The following KIAA2012 variants were observed in gnomAD, a reference collection of about 807,000 sequenced individuals.
KIAA2012 encodes uncharacterized protein KIAA2012.
In KIAA2012, 125 loss-of-function variants were observed where a neutral mutation model predicts 150.6. The ratio of observed to expected loss-of-function variants is 0.83; its 90% confidence interval spans 0.72 to 0.96. The LOEUF is 0.96. Ranked by LOEUF, KIAA2012 falls within the 40% of genes least tolerant of loss-of-function variation. KIAA2012 has a pLI of 0.00. For synonymous variants in KIAA2012, 462 were observed against 504.7 expected (o/e 0.92, Z 1.13); for missense variants, 1,219 against 1,354.9 (o/e 0.90, Z 1.57).
chr2:202,097,664 A>C, intron 5 of KIAA2012, 87 bp downstream of exon 5: 3 of 1,432,662 alleles, frequency 2.1e-6, no homozygotes, highest in Non-Finnish European at 2.8e-6. Context: ...ATTTTGGCTC[A>C]CTGCAACCTC....
At chr2:202,187,400 G>T (rs553396112) in intron 17 of KIAA2012, among the ~76,000 whole-genome samples, 136 of 152,222 alleles carry the variant, frequency 8.9e-4, no homozygotes, top group African/African-American at 3.1e-3. Context: ...CGCCTCCCAG[G>T]TTCAAGTGAT....
chr2:202,121,292 CTT>C (rs141376217), intron 11 of KIAA2012, among the ~76,000 whole-genome samples: 3,441 of 152,304 alleles, frequency 0.023, 128 homozygotes, highest in African/African-American at 0.077. Flanking sequence ...TTTTGCGTCT[CTT>C]GTTTTACATC....
At chr2:202,150,433 GTTTTTTT>G (rs1258426630) in intron 13 of KIAA2012, among the ~76,000 whole-genome samples, 1 of 147,624 alleles carries the variant, frequency 6.8e-6, no homozygotes, top group Non-Finnish European at 1.5e-5. Flanking sequence ...TTTTTTGTTT[GTTTTTTT>G]GTTTTTTGTT....
chr2:202,110,903 A>AG (rs1424580619), intron 10 of KIAA2012, among the ~76,000 whole-genome samples: 1 of 151,994 alleles, frequency 6.6e-6, no homozygotes, highest in African/African-American at 2.4e-5. Context: ...CTTCTGTTTC[A>AG]GGCTGAGATG....
rs12611699 is a variant in KIAA2012, at chr2:202,109,376, G to A, written c.1475-237G>A. 0.31 allele frequency among the ~76,000 whole-genome samples: 47,738 copies of A among 152,002 alleles called. 8,236 individuals carry two copies. The highest frequency in any genetic ancestry group is 0.46 in the African/African-American group (18,949 of 41,420). Reference sequence around the variant, plus strand: ...CAAGAGTCATGTCATTTTGGCCACCGGAGATATCAGGTCCCTGGTGCTTAG... The same window carrying A: ...CAAGAGTCATGTCATTTTGGCCACCAGAGATATCAGGTCCCTGGTGCTTAG... On this transcript the variant is annotated intron_variant, in intron 9 of 23. Coordinates refer to ENST00000498697, the MANE Select transcript of KIAA2012 (RefSeq NM_001277372.4).
chr2:202,187,888 T>C (rs946727880), intron 17 of KIAA2012, among the ~76,000 whole-genome samples: 3 of 152,222 alleles, frequency 2.0e-5, no homozygotes, highest in African/African-American at 7.2e-5. Context: ...TGATTTAGAA[T>C]CTAAGAAAGG....
chr2:202,122,938 C>A (rs1690689092), intron 11 of KIAA2012, among the ~76,000 whole-genome samples: 1 of 152,192 alleles, frequency 6.6e-6, no homozygotes, highest in South Asian at 2.1e-4. Context: ...CACAGCAGCA[C>A]CCACAGGGCC....
chr2:202,113,133 C>A (rs1690419695), intron 10 of KIAA2012, among the ~76,000 whole-genome samples: 1 of 152,294 alleles, frequency 6.6e-6, no homozygotes, highest in Middle Eastern at 3.4e-3. Context: ...CCCACCTTGA[C>A]CCCCGGAAGG....
In KIAA2012 at chr2:202,090,948, G is replaced by C. The variant is rs1168529768; in HGVS notation, c.529+19G>C. On this transcript the variant is annotated intron_variant, in intron 3 of 23. Transcript: ENST00000498697. Reference sequence around the variant, plus strand: ...TGCGCAGGTCAGTGGGGAAATGGGAGGGGGGCACACCCCAAACTGCCCCAC... The same window carrying C: ...TGCGCAGGTCAGTGGGGAAATGGGACGGGGGCACACCCCAAACTGCCCCAC... The C allele has an allele frequency of 1.3e-6, 2 of 1,528,714 alleles. No individual in the cohort carries two copies. Among genetic ancestry groups the C allele is most frequent in the African/African-American group, 1.4e-5 (1 of 72,592 alleles). 94.7% of individuals were successfully genotyped at this position (1,528,714 alleles called of 1,614,324 possible).
At chr2:202,125,077 TAA>T in intron 11 of KIAA2012, 135 bp from the exon 12 acceptor site, 1 of 709,116 alleles carries the variant, frequency 1.4e-6, no homozygotes, top group Non-Finnish European at 2.3e-6. Flanking sequence ...CTCAAAAATT[TAA>T]AAAAAAGAAA....
Position 202,105,821 on chromosome 2 carries a change from C to T in KIAA2012, c.1385C>T (p.Pro462Leu). The T allele has an allele frequency of 6.4e-7, 1 of 1,550,684 alleles. No individual in the cohort carries two copies. Among genetic ancestry groups the T allele is most frequent in the Non-Finnish European group, 8.7e-7 (1 of 1,147,014 alleles). Residue 462 changes from proline (P) to leucine (L), a missense_variant, in exon 9 of 24, where the codon CCT becomes CTT. Transcript: ENST00000498697. ...SSEESTPVWR[P>L]PLKHASLETP... is the part of the protein sequence containing the mutation. ...GAAGAATCCACACCTGTGTGGAGAC[C>T]TCCCCTGAAGCATGCGTCCTTAGAA...
At chr2:202,084,140 G>A (rs1049051633) in intron 2 of KIAA2012, among the ~76,000 whole-genome samples, 2 of 152,106 alleles carry the variant, frequency 1.3e-5, no homozygotes, top group African/African-American at 4.8e-5. Flanking sequence ...TCTGGGATTT[G>A]GGGGTTTCTC....
chr2:202,198,858 G>A (rs1451726146), intron 22 of KIAA2012, among the ~76,000 whole-genome samples: 1 of 152,160 alleles, frequency 6.6e-6, no homozygotes, highest in Non-Finnish European at 1.5e-5. Flanking sequence ...GGCAGCCAGT[G>A]CAACTCAATA....
At chr2:202,184,728 A>C (rs761259673) in intron 15 of KIAA2012, 25 bp from the exon 16 acceptor site, 238 of 1,487,258 alleles carry the variant, frequency 1.6e-4, no homozygotes, top group Non-Finnish European at 3.4e-5. Flanking sequence ...GTTGTCCTTT[A>C]TTGATTGATA....
intron 15 of KIAA2012, among the ~76,000 whole-genome samples, chr2:202,168,860 T>A (rs1691827519): frequency 6.6e-6 from 1 of 152,024 alleles, no homozygotes; most frequent in Non-Finnish European, 1.5e-5. Context: ...AGGCAGGTAT[T>A]GTGGAAATTC....
At chr2:202,186,060 T>C (rs1386503806) in intron 16 of KIAA2012, among the ~76,000 whole-genome samples, 1 of 152,230 alleles carries the variant, frequency 6.6e-6, no homozygotes, top group Non-Finnish European at 1.5e-5. Context: ...GTAACTGATA[T>C]TGCTGCAATC....
chr2:202,179,364 A>C, intron 15 of KIAA2012: 4 of 897,410 alleles, frequency 4.5e-6, no homozygotes, highest in Non-Finnish European at 7.4e-6. Context: ...CGGATTGAAT[A>C]TGCTTTGGCT....
intron 14 of KIAA2012, among the ~76,000 whole-genome samples, chr2:202,159,040 T>C (rs1205264758): frequency 6.6e-6 from 1 of 152,210 alleles, no homozygotes; most frequent in Non-Finnish European, 1.5e-5. Context: ...CAGCCAGCCA[T>C]GCCTGGAGTT....
chr2:202,199,695 TC>T (rs967332789), intron 22 of KIAA2012, among the ~76,000 whole-genome samples: 1 of 152,118 alleles, frequency 6.6e-6, no homozygotes, highest in African/African-American at 2.4e-5. Flanking sequence ...CCTGAAATAT[TC>T]TTAACCCTAA....
Sources: gnomAD v4.1 joint callset for allele counts (sites outside exome capture counted in the v4.1 genomes callset) on GRCh38, gnomAD v4.1.1 for gene constraint, MANE v1.5 for transcripts, NCBI Gene and HGNC (gene_info 2026-07-23, HGNC 2026-07-21) for gene names.